SMPD1: variants seen among roughly 807,000 people sequenced by gnomAD.
The protein encoded by SMPD1 is sphingomyelin phosphodiesterase 1.
A neutral mutation model predicts 49.7 loss-of-function variants in SMPD1; 47 were observed. The ratio of observed to expected loss-of-function variants is 0.95; its 90% CI spans 0.75 to 1.21. The LOEUF is 1.21. Ranked by LOEUF, SMPD1 falls within the 50% of genes most tolerant of loss-of-function variation. The pLI is 0.00. For missense variants in SMPD1, 811 were observed against 822.2 expected (o/e 0.99, Z 0.17); for synonymous variants, 336 against 339.6 (o/e 0.99, Z 0.12).
intron 2 of SMPD1, among the ~76,000 whole-genome samples, 195 bp from the exon 3 acceptor site, chr11:6,393,021 C>G (rs140501753): frequency 6.6e-6 from 1 of 152,272 alleles, no homozygotes; most frequent in African/African-American, 2.4e-5. Context: ...CCCCCATACT[C>G]CTGGAGCCCT....
Position 6,391,528 on chromosome 11 carries a change from C to T in SMPD1, c.463C>T (p.Pro155Ser), listed in dbSNP as rs2134009353. 6.2e-7 allele frequency: 1 copy of T among 1,613,972 alleles called. No individual in the cohort carries two copies. The highest frequency in any genetic ancestry group is 8.5e-7 in the Non-Finnish European group (1 of 1,179,978). The change falls in exon 2 of 6, where the codon CCA becomes TCA. Residue 155 changes from proline (P) to serine (S), a missense_variant. Coordinates refer to ENST00000342245, the MANE Select transcript of SMPD1 (RefSeq NM_000543.5). ...GGTGTGGAGACGCTCAGTGCTGAGC[C>T]CATCTGAGGCCTGTGGCCTGCTCCT... ...VEVWRRSVLS[P>S]SEACGLLLGS...
In SMPD1 at chr11:6,394,853, T is replaced by G. The variant is rs1590749802; in HGVS notation, c.*246T>G. On this transcript the variant is annotated 3_prime_UTR_variant, in exon 6 of 6. Transcript: ENST00000342245. ...CTGCTGTCCTTTCACAGCCATGGAG[T>G]AGAGGCCTAAGTTGACACTGCCCTG... 1 of 572,942 alleles carries G rather than the reference T, an allele frequency of 1.7e-6. No individual in the cohort carries two copies. The highest frequency in any genetic ancestry group is 3.1e-6 in the Non-Finnish European group (1 of 321,272). The allele number at this position is 572,942 out of a possible 1,614,324, so 35.5% of individuals were successfully genotyped here.
In SMPD1 at chr11:6,391,432, A is replaced by G; in HGVS notation, c.367A>G (p.Asn123Asp). 6.2e-7 allele frequency: 1 copy of G among 1,613,512 alleles called. No homozygotes were observed. Among genetic ancestry groups the G allele is most frequent in the East Asian group, 2.2e-5 (1 of 44,880 alleles). The change falls in exon 2 of 6, where the codon AAT (asparagine) becomes GAT (aspartate). Residue 123 changes from asparagine (N) to aspartate (D), a missense_variant. Physicochemically the swap from Asn to Asp is conservative, Grantham distance 23 (BLOSUM62 1). Transcript: ENST00000342245. ...RVGSVAIKLC[N>D]LLKIAPPAVC... ...GGGCTCCGTGGCCATCAAGCTGTGC[A>G]ATCTGCTGAAGATAGCACCACCTGC...
intron 1 of SMPD1, 73 bp downstream of exon 1, chr11:6,390,989 T>G (rs1209695874): frequency 5.7e-6 from 9 of 1,568,246 alleles, no homozygotes; most frequent in Non-Finnish European, 7.8e-6. Context: ...CTGATGCTGG[T>G]GCGCTGGGCT....
At chr11:6,391,061 TG>T (rs1016326904) in intron 1 of SMPD1, 145 bp downstream of exon 1, 1 of 1,090,168 alleles carries the variant, frequency 9.2e-7, no homozygotes, top group African/African-American at 1.6e-5. Flanking sequence ...TGCTCCCCTT[TG>T]GGGACACCCA....
chr11:6,393,336 G>A lies in SMPD1; in HGVS notation c.1212G>A (p.Gln404=), dbSNP rs771755385. The part of the protein sequence containing the change: ...LLINSTDPAG[Q]LQWLVGELQA... Reference sequence around the variant, plus strand: ...TCAACTCCACGGATCCCGCAGGACAGCTCCAGTGGCTGGTGGGGGAGCTTC... The same window carrying A: ...TCAACTCCACGGATCCCGCAGGACAACTCCAGTGGCTGGTGGGGGAGCTTC... Residue 404 remains glutamine (Q), a synonymous_variant, in exon 3 of 6, where the codon CAG becomes CAA. Coordinates refer to ENST00000342245, the MANE Select transcript of SMPD1 (RefSeq NM_000543.5). The A allele has an allele frequency of 3.8e-5, 61 of 1,613,904 alleles. No individual in the cohort carries two copies. Among genetic ancestry groups the A allele is most frequent in the Non-Finnish European group, 5.2e-5 (61 of 1,179,890 alleles).
In SMPD1 at chr11:6,391,911, C is replaced by G. The variant is rs990064419; in HGVS notation, c.846C>G (p.Pro282=). 1 of 1,614,098 alleles carries G rather than the reference C, an allele frequency of 6.2e-7. No individual in the cohort carries two copies. The highest frequency in any genetic ancestry group is 1.3e-5 in the African/African-American group (1 of 74,936). ...TGGTGTACTGGACAGGAGACATCCCCGCACATGATGTCTGGCACCAGACTC... is the reference window on the plus strand; with the variant it reads ...TGGTGTACTGGACAGGAGACATCCCGGCACATGATGTCTGGCACCAGACTC... ...FDMVYWTGDI[P]AHDVWHQTRQ... The change falls in exon 2 of 6, where the codon CCC becomes CCG. Residue 282 remains proline, a synonymous_variant. Transcript: ENST00000342245.
Position 6,390,730 on chromosome 11 carries a change from GCTGGCGCTGGCT to G in SMPD1, c.136_147del (p.Ala46_Leu49del). The stretch of plus-strand genomic sequence containing the variant: ...TGCTGGCGCTGGCGCTGGCGCTGGC[GCTGGCGCTGGCT>G]CTGTCTGACTCTCGGGTTCTCTGGG... On this transcript the variant is annotated inframe_deletion, in exon 1 of 6. Transcript: ENST00000342245. 1 of 1,584,692 alleles carries G rather than the reference GCTGGCGCTGGCT, an allele frequency of 6.3e-7. No individual in the cohort carries two copies. The highest frequency in any genetic ancestry group is 1.4e-5 in the African/African-American group (1 of 70,742).
At position 6,390,507 on chromosome 11, in the gene SMPD1, T is replaced by G; in HGVS notation, c.-92T>G. 1.3e-6 allele frequency: 2 copies of G among 1,546,618 alleles called. No homozygotes were observed. Among genetic ancestry groups the G allele is most frequent in the Non-Finnish European group, 1.7e-6 (2 of 1,148,120 alleles). ...GACTACAGAGAAGGGTAATCGGGTG[T>G]CCCCGGCGCCGCCCGGGGCCCTGAG... On this transcript the variant is annotated 5_prime_UTR_variant, in exon 1 of 6. Coordinates refer to ENST00000342245, the MANE Select transcript of SMPD1 (RefSeq NM_000543.5).
rs202081954 is a variant in SMPD1 at position 6,392,060 on chromosome 11, C to T, written c.995C>T (p.Pro332Leu). Residue 332 changes from proline to leucine, a missense_variant, in exon 2 of 6, where the codon CCC (proline) becomes CTC (leucine). Coordinates refer to ENST00000342245, the MANE Select transcript of SMPD1 (RefSeq NM_000543.5). ...ACACCTGTCAATAGCTTCCCTCCCC[C>T]CTTCATTGAGGGCAACCACTCCTCC... Reference protein sequence around the residue: ...ESTPVNSFPPPFIEGNHSSRW... With the variant: ...ESTPVNSFPPLFIEGNHSSRW... 87 of 1,614,064 alleles carry T rather than the reference C, an allele frequency of 5.4e-5. No homozygotes were observed. In the African/African-American group the frequency reaches 9.3e-4, roughly 17 times the overall value.
At chr11:6,392,212 G>A (rs1259113356) in intron 2 of SMPD1, 56 bp downstream of exon 2, 10 of 1,600,556 alleles carry the variant, frequency 6.2e-6, no homozygotes, top group South Asian at 4.4e-5. Context: ...TGAAAGTGAA[G>A]GGAGAAGGGA....
In SMPD1 at chr11:6,390,605, C is replaced by T. The variant is rs772745537; in HGVS notation, c.7C>T (p.Arg3Cys). 1.9e-6 allele frequency: 3 copies of T among 1,612,240 alleles called. No homozygotes were observed. The highest frequency in any genetic ancestry group is 2.5e-6 in the Non-Finnish European group (3 of 1,179,616). ...CCGTGTAGGAAGCGCGACAATGCCCCGCTACGGAGCGTCACTCCGCCAGAG... is the reference window on the plus strand; with the variant it reads ...CCGTGTAGGAAGCGCGACAATGCCCTGCTACGGAGCGTCACTCCGCCAGAG... The part of the protein sequence containing the change: MP[R>C]YGASLRQSCP... The change falls in exon 1 of 6, where the codon CGC (arginine) becomes TGC (cysteine). Residue 3 changes from arginine (R) to cysteine (C), a missense_variant. Transcript: ENST00000342245.
rs764993348 is a variant in SMPD1, at chr11:6,391,629, C to T, written c.564C>T (p.Pro188=). The T allele has an allele frequency of 1.3e-6, 2 of 1,543,602 alleles. No homozygotes were observed. Among genetic ancestry groups the T allele is most frequent in the Non-Finnish European group, 1.8e-6 (2 of 1,142,302 alleles). The part of the protein sequence containing the change: ...ISLPTVPKPP[P]KPPSPPAPGA... ...TGCCTACTGTGCCGAAGCCGCCCCC[C>T]AAACCCCCTAGCCCCCCAGCCCCAG... is the stretch of plus-strand genomic sequence containing the variant. The change falls in exon 2 of 6, where the codon CCC becomes CCT. Residue 188 remains proline, a synonymous_variant. Transcript: ENST00000342245.
In SMPD1 at chr11:6,393,252, T is replaced by C. The variant is rs745317640; in HGVS notation, c.1128T>C (p.Gly376=). 6.2e-7 allele frequency: 1 copy of C among 1,613,998 alleles called. No individual in the cohort carries two copies. Among genetic ancestry groups the C allele is most frequent in the East Asian group, 2.2e-5 (1 of 44,884 alleles). ...GGFYALSPYP[G]LRLISLNMNF... The stretch of plus-strand genomic sequence containing the variant: ...TCTATGCTCTTTCCCCATACCCCGG[T>C]CTCCGCCTCATCTCTCTCAATATGA... Residue 376 remains glycine (G), a synonymous_variant, in exon 3 of 6, where the codon GGT becomes GGC. Coordinates refer to ENST00000342245, the MANE Select transcript of SMPD1 (RefSeq NM_000543.5).
Position 6,394,898 on chromosome 11 carries a change from G to T in SMPD1, c.*291G>T. On this transcript the variant is annotated 3_prime_UTR_variant, in exon 6 of 6. Coordinates refer to ENST00000342245, the MANE Select transcript of SMPD1 (RefSeq NM_000543.5). The stretch of plus-strand genomic sequence containing the variant: ...GCCCTGGGCAGACAAGACAGGAGCT[G>T]TCGCCCCAGGCCTGTGCTGCCCAGC... 1 of 497,732 alleles carries T rather than the reference G, an allele frequency of 2.0e-6. No individual in the cohort carries two copies. The highest frequency in any genetic ancestry group is 2.2e-5 in the South Asian group (1 of 45,436). 30.8% of individuals were successfully genotyped at this position (497,732 alleles called of 1,614,324 possible). A position where few individuals can be genotyped will look rare whatever the true frequency, so the allele number is the denominator to read the frequency against.
rs747630243 is a variant in SMPD1 at position 6,391,772 on chromosome 11, C to T, written c.707C>T (p.Pro236Leu). The T allele has an allele frequency of 1.1e-5, 18 of 1,612,152 alleles. No homozygotes were observed. The highest frequency in any genetic ancestry group is 1.7e-4 in the Middle Eastern group (1 of 6,060). Residue 236 changes from proline to leucine, a missense_variant, in exon 2 of 6, where the codon CCG becomes CTG. By Grantham distance (98) the Pro-to-Leu change is moderately conservative. Transcript: ENST00000342245. The part of the protein sequence containing the change: ...PLCCRRGSGL[P>L]PASRPGAGYW... ...TGCTGCCGCCGGGGTTCTGGCCTGC[C>T]GCCCGCATCCCGGCCAGGTGCCGGA...
chr11:6,392,486 CTTTTTTTT>C (rs754271358), intron 2 of SMPD1, among the ~76,000 whole-genome samples: 14 of 45,748 alleles, frequency 3.1e-4, no homozygotes, highest in Admixed American at 1.7e-3. Flanking sequence ...CTGGCCCTCC[CTTTTTTTT>C]TTTTTTTTTT....
Position 6,390,738 on chromosome 11 carries a change from TG to T in SMPD1, c.142del (p.Ala48LeufsTer29). ...CTGGCGCTGGCGCTGGCGCTGGCGCTGGCTCTGTCTGACTCTCGGGTTCTCT... is the reference window on the plus strand; with the variant it reads ...CTGGCGCTGGCGCTGGCGCTGGCGCTGCTCTGTCTGACTCTCGGGTTCTCT... ...LALALALALA[L>X]ALSDSRVLWA... On this transcript the variant is annotated frameshift_variant, in exon 1 of 6. Transcript: ENST00000342245. LOFTEE classifies it high-confidence loss of function. 6.2e-7 allele frequency: 1 copy of T among 1,612,694 alleles called. No individual in the cohort carries two copies. Among genetic ancestry groups the T allele is most frequent in the Middle Eastern group, 1.7e-4 (1 of 6,056 alleles).
intron 2 of SMPD1, 126 bp downstream of exon 2, chr11:6,392,282 C>G (rs1436192157): frequency 2.0e-6 from 2 of 1,003,566 alleles, no homozygotes; most frequent in Non-Finnish European, 3.1e-6. Flanking sequence ...CATTTGGCTC[C>G]CCTAATCTGA....
Sources: allele counts gnomAD v4.1 joint callset (sites outside exome capture counted in the v4.1 genomes callset), GRCh38; gene constraint gnomAD v4.1.1; transcripts MANE v1.5; gene names NCBI Gene and HGNC (gene_info 2026-07-23, HGNC 2026-07-21).